Variants in UNC45B observed in about 807,000 individuals in gnomAD.
UNC45B encodes unc-45 myosin chaperone B, also known as protein unc-45 homolog B.
UNC45B carries 78 observed loss-of-function variants against 98.7 expected under a neutral mutation model. The observed-to-expected ratio is 0.79, with a 90% CI of 0.66 to 0.95. The LOEUF is 0.95. Ranked by LOEUF, UNC45B falls within the 40% of genes least tolerant of loss-of-function variation. The pLI is 0.00. For missense variants in UNC45B, 1,225 were observed against 1,184.9 expected (o/e 1.03, Z -0.50); for synonymous variants, 462 against 480.4 (o/e 0.96, Z 0.50).
At chr17:35,172,081 C>A (rs1010987232) in intron 13 of UNC45B, among the ~76,000 whole-genome samples, 1 of 152,132 alleles carries the variant, frequency 6.6e-6, no homozygotes, top group Non-Finnish European at 1.5e-5. Context: ...TACGTCATCT[C>A]CACATGACTG....
Position 35,160,177 on chromosome 17 carries a change from G to T in UNC45B, c.979+632G>T, listed in dbSNP as rs535912842. 3.3e-5 allele frequency among the ~76,000 whole-genome samples: 5 copies of T among 152,172 alleles called. No individual in the cohort carries two copies. In the South Asian group the frequency reaches 1.0e-3, roughly 32 times the overall value. ...GTTGGAAGAGAAAGGAGGAGGTAGGGGAATAGTCAAATAGTCAATTACATA... is the reference window on the plus strand; with the variant it reads ...GTTGGAAGAGAAAGGAGGAGGTAGGTGAATAGTCAAATAGTCAATTACATA... On this transcript the variant is annotated intron_variant, in intron 8 of 19. Coordinates refer to ENST00000394570, the MANE Select transcript of UNC45B (RefSeq NM_001267052.2).
At chr17:35,152,828 G>T in intron 4 of UNC45B, 65 bp from the exon 5 acceptor site, 2 of 1,214,580 alleles carry the variant, frequency 1.6e-6, no homozygotes, top group South Asian at 2.4e-5. Context: ...GAGATGAACT[G>T]AATGTGGAGC....
rs762086567 is a variant in UNC45B, at chr17:35,186,473, G to C, written c.2704G>C (p.Asp902His). ...GACTGTGGTGGGCAAACAGGAGCCAGATGAGAAGAAGGCAGAAGTGGTTCA... is the reference window on the plus strand; with the variant it reads ...GACTGTGGTGGGCAAACAGGAGCCACATGAGAAGAAGGCAGAAGTGGTTCA... Reference protein sequence around the residue: ...ILTVVGKQEPDEKKAEVVQTA... With the variant: ...ILTVVGKQEPHEKKAEVVQTA... Residue 902 changes from aspartate to histidine, a missense_variant, in exon 20 of 20, where the codon GAT (aspartate) becomes CAT (histidine). Coordinates refer to ENST00000394570, the MANE Select transcript of UNC45B (RefSeq NM_001267052.2). 8 of 1,614,240 alleles carry C rather than the reference G, an allele frequency of 5.0e-6. No homozygotes were observed. The highest frequency in any genetic ancestry group is 6.8e-6 in the Non-Finnish European group (8 of 1,180,040).
rs753899716 is a variant in UNC45B at position 35,175,990 on chromosome 17, A to G, written c.1981A>G (p.Asn661Asp). The change falls in exon 15 of 20, where the codon AAC becomes GAC. Residue 661 changes from asparagine to aspartate, a missense_variant. Coordinates refer to ENST00000394570, the MANE Select transcript of UNC45B (RefSeq NM_001267052.2). ...LARVFLALCD[N>D]PKDRGTIVAQ... ...CAGGGTATTCCTGGCACTGTGTGAC[A>G]ACCCAAAGGACCGAGGCACCATTGT... is the stretch of plus-strand genomic sequence containing the variant. 26 of 1,614,118 alleles carry G rather than the reference A, an allele frequency of 1.6e-5. No individual in the cohort carries two copies. The South Asian group carries it at 2.2e-4, about 14-fold the overall frequency.
chr17:35,157,163 G>A (rs949776298), intron 7 of UNC45B, among the ~76,000 whole-genome samples: 1 of 152,034 alleles, frequency 6.6e-6, no homozygotes, highest in Admixed American at 6.5e-5. Flanking sequence ...TTTCCAATTT[G>A]CATGTTTATA....
intron 19 of UNC45B, 73 bp from the exon 20 acceptor site, chr17:35,186,223 GACC>G (rs1203011875): frequency 1.3e-6 from 2 of 1,567,974 alleles, no homozygotes; most frequent in East Asian, 2.3e-5. Flanking sequence ...CCACACCAGG[GACC>G]ACATTTCCAA....
At chr17:35,149,636 C>G (rs753472423) in intron 3 of UNC45B, among the ~76,000 whole-genome samples, 1 of 152,168 alleles carries the variant, frequency 6.6e-6, no homozygotes, top group African/African-American at 2.4e-5. Context: ...AGGCTGGTCT[C>G]GAACTCCTGA....
rs372652886 is a variant in UNC45B, at chr17:35,154,602, G to A, written c.500G>A (p.Arg167His). 3.3e-5 allele frequency: 54 copies of A among 1,613,298 alleles called. No homozygotes were observed. The highest frequency in any genetic ancestry group is 3.3e-4 in the Middle Eastern group (2 of 6,060). Residue 167 changes from arginine to histidine, a missense_variant, in exon 6 of 20, where the codon CGT becomes CAT. By Grantham distance (29) the Arg-to-His change is conservative. Coordinates refer to ENST00000394570, the MANE Select transcript of UNC45B (RefSeq NM_001267052.2). Reference sequence around the variant, plus strand: ...GCCAACAATCTCATTGTCCTAGGCCGTGAGGAAGCAGGGGCTGAGAAGATC... The same window carrying A: ...GCCAACAATCTCATTGTCCTAGGCCATGAGGAAGCAGGGGCTGAGAAGATC... ...KAANNLIVLGREEAGAEKIFQ... is the reference protein window; with the variant it reads ...KAANNLIVLGHEEAGAEKIFQ...
In UNC45B at chr17:35,153,129, T is replaced by A. The variant is rs573634663; in HGVS notation, c.471+147T>A. ...AAAGGTTAAGCACATTGGAACACAGTGTAAACCATAAGAAGGACTGAGATT... is the reference window on the plus strand; with the variant it reads ...AAAGGTTAAGCACATTGGAACACAGAGTAAACCATAAGAAGGACTGAGATT... On this transcript the variant is annotated intron_variant, in intron 5 of 19. Coordinates refer to ENST00000394570, the MANE Select transcript of UNC45B (RefSeq NM_001267052.2). The A allele has an allele frequency of 1.1e-5, 7 of 609,362 alleles. No homozygotes were observed. In the East Asian group the frequency reaches 1.4e-4, roughly 12 times the overall value. The allele number at this position is 609,362 out of a possible 1,614,324, so 37.7% of individuals were successfully genotyped here.
At position 35,148,275 on chromosome 17, in the gene UNC45B, G is replaced by A; in HGVS notation, c.12G>A (p.Val4=). 1 of 1,614,146 alleles carries A rather than the reference G, an allele frequency of 6.2e-7. No individual in the cohort carries two copies. The highest frequency in any genetic ancestry group is 8.5e-7 in the Non-Finnish European group (1 of 1,180,018). ...TCCTGTCCCAGCAGATGGCAGAGGT[G>A]GAAGCGGTACAGCTGAAGGAGGAAG... MAE[V]EAVQLKEEGN... The change falls in exon 2 of 20, where the codon GTG becomes GTA. Residue 4 remains valine, a synonymous_variant. Coordinates refer to ENST00000394570, the MANE Select transcript of UNC45B (RefSeq NM_001267052.2).
chr17:35,178,294 G>A (rs1424915253), intron 17 of UNC45B, among the ~76,000 whole-genome samples: 6 of 152,344 alleles, frequency 3.9e-5, no homozygotes, highest in Non-Finnish European at 8.8e-5. Context: ...GATAACCAGT[G>A]ATGATGAGCA....
chr17:35,168,950 A>AC (rs35688036), intron 10 of UNC45B, among the ~76,000 whole-genome samples: 2 of 150,710 alleles, frequency 1.3e-5, no homozygotes, highest in Admixed American at 6.6e-5. Context: ...CAGGTGATCC[A>AC]CCCCCCTGGG....
chr17:35,158,069 T>A (rs1180668881), intron 7 of UNC45B, among the ~76,000 whole-genome samples: 1 of 152,106 alleles, frequency 6.6e-6, no homozygotes, highest in Non-Finnish European at 1.5e-5. Context: ...AGGGACAGGG[T>A]CTCACTTTCT....
At chr17:35,169,631 G>A (rs1162410795) in intron 10 of UNC45B, among the ~76,000 whole-genome samples, 1 of 152,106 alleles carries the variant, frequency 6.6e-6, no homozygotes, top group African/African-American at 2.4e-5. Flanking sequence ...AACTTTATGG[G>A]CCTCTACCCT....
rs771337286 is a variant in UNC45B, at chr17:35,168,210, G to T, written c.1301G>T (p.Arg434Leu). The stretch of plus-strand genomic sequence containing the variant: ...ATGGTGGCACTATGTGGCTCAGAGC[G>T]CGAGACGGACCAGCTGGTGGCCGTG... ...EMMVALCGSE[R>L]ETDQLVAVEA... Residue 434 changes from arginine to leucine, a missense_variant, in exon 10 of 20, where the codon CGC becomes CTC. Coordinates refer to ENST00000394570, the MANE Select transcript of UNC45B (RefSeq NM_001267052.2). 1.9e-6 allele frequency: 3 copies of T among 1,598,396 alleles called. No homozygotes were observed. In the Admixed American group the frequency reaches 5.1e-5, roughly 27 times the overall value.
chr17:35,180,213 C>G (rs1210717222), intron 17 of UNC45B, among the ~76,000 whole-genome samples: 3 of 150,364 alleles, frequency 2.0e-5, no homozygotes, highest in Admixed American at 6.6e-5. Context: ...GTTATAAGGG[C>G]AGTTCTGGCC....
rs148248215 is a variant in UNC45B at position 35,155,761 on chromosome 17, G to A, written c.808+297G>A. 3.7e-3 allele frequency among the ~76,000 whole-genome samples: 562 copies of A among 152,206 alleles called. 23 individuals are homozygous for A. The South Asian group carries it at 0.06, about 16-fold the overall frequency. On this transcript the variant is annotated intron_variant, in intron 7 of 19. Coordinates refer to ENST00000394570, the MANE Select transcript of UNC45B (RefSeq NM_001267052.2). The stretch of plus-strand genomic sequence containing the variant: ...ATTTTTGTATTTTTAGTAGAGACAG[G>A]GTTTCTTCATGTTGGCCAGGCTGGT...
At chr17:35,160,713 C>T (rs1360733320) in intron 8 of UNC45B, among the ~76,000 whole-genome samples, 1 of 152,250 alleles carries the variant, frequency 6.6e-6, no homozygotes, top group Non-Finnish European at 1.5e-5. Context: ...GCTGGAATTA[C>T]AGGCGCGAGC....
rs114974268 is a variant in UNC45B at position 35,186,802 on chromosome 17, A to T, written c.*243A>T. The T allele has an allele frequency of 6.8e-5, 28 of 410,610 alleles. No homozygotes were observed. Among genetic ancestry groups the T allele is most frequent in the African/African-American group, 5.2e-4 (26 of 50,008 alleles). The allele number at this position is 410,610 out of a possible 1,614,324, so 25.4% of individuals were successfully genotyped here. On this transcript the variant is annotated 3_prime_UTR_variant, in exon 20 of 20. Coordinates refer to ENST00000394570, the MANE Select transcript of UNC45B (RefSeq NM_001267052.2). The stretch of plus-strand genomic sequence containing the variant: ...TATTTGTCATGTTTCAGAAATTCCC[A>T]GAATAATTTTCACCCATGATTAGAA...
Sources: gnomAD v4.1 joint callset for allele counts (sites outside exome capture counted in the v4.1 genomes callset) on GRCh38, gnomAD v4.1.1 for gene constraint, MANE v1.5 for transcripts, NCBI Gene and HGNC (gene_info 2026-07-23, HGNC 2026-07-21) for gene names.